The following SHROOM3 variants were observed in gnomAD, a reference collection of about 807,000 sequenced individuals.
SHROOM3 encodes the protein shroom family member 3, also known as protein Shroom3.
Under a neutral mutation model 138.6 loss-of-function variants are expected in SHROOM3, and 47 were observed. The ratio of observed to expected loss-of-function variants is 0.34; its 90% confidence interval spans 0.27 to 0.43. The LOEUF is 0.43. SHROOM3 is among the 20% of genes least tolerant of loss of function. The pLI, the probability that SHROOM3 is intolerant of heterozygous loss-of-function variation, is 1.00. For missense variants in SHROOM3, 2,491 were observed against 2,596.5 expected (o/e 0.96, Z 0.88); for synonymous variants, 1,062 against 1,063.3 (o/e 1.00, Z 0.02).
intron 1 of SHROOM3, among the ~76,000 whole-genome samples, chr4:76,504,694 A>G (rs1732173599): frequency 6.6e-6 from 1 of 152,212 alleles, no homozygotes; most frequent in South Asian, 2.1e-4. Context: ...AGTCCGATAC[A>G]TCCTCCCTGA....
chr4:76,613,330 A>T (rs1224718033), intron 2 of SHROOM3, among the ~76,000 whole-genome samples: 1 of 152,168 alleles, frequency 6.6e-6, no homozygotes, highest in Non-Finnish European at 1.5e-5. Context: ...GTGAGTCCTC[A>T]ACACTCCACC....
intron 2 of SHROOM3, among the ~76,000 whole-genome samples, chr4:76,589,143 C>A (rs1292054835): frequency 6.6e-6 from 1 of 152,216 alleles, no homozygotes; most frequent in Non-Finnish European, 1.5e-5. Context: ...TGAACCAAAA[C>A]TGATAGAATG....
intron 2 of SHROOM3, among the ~76,000 whole-genome samples, chr4:76,650,810 T>C (rs1483471302): frequency 1.3e-5 from 2 of 152,126 alleles, no homozygotes; most frequent in African/African-American, 4.8e-5. Context: ...CCCAAAGTGC[T>C]GGGATTATAG....
chr4:76,685,848 T>C (rs1239084252), intron 2 of SHROOM3, among the ~76,000 whole-genome samples: 1 of 152,108 alleles, frequency 6.6e-6, no homozygotes, highest in East Asian at 1.9e-4. Context: ...CATTGTGGTA[T>C]GCACCTGTAA....
At position 76,447,576 on chromosome 4, in the gene SHROOM3, T is replaced by G. The variant is rs187938293; in HGVS notation, c.168+11356T>G. The stretch of plus-strand genomic sequence containing the variant: ...TAAAAGAATAGGAGAGTGTGCAAAC[T>G]TTTGAGAATGAGAAGGCAGAAAATA... On this transcript the variant is annotated intron_variant, in intron 1 of 10. Transcript: ENST00000296043. Among the ~76,000 whole-genome samples the G allele has an allele frequency of 2.0e-3, 298 of 152,308 alleles. 10 individuals are homozygous for G. The highest frequency in any genetic ancestry group is 0.019 in the Admixed American group (287 of 15,292).
chr4:76,603,015 G>A (rs980757236), intron 2 of SHROOM3, among the ~76,000 whole-genome samples: 1 of 152,040 alleles, frequency 6.6e-6, no homozygotes, highest in African/African-American at 2.4e-5. Flanking sequence ...TTCTGTATTT[G>A]TACTAAAGAT....
At chr4:76,571,983 A>C (rs1040586451) in intron 2 of SHROOM3, among the ~76,000 whole-genome samples, 1 of 152,130 alleles carries the variant, frequency 6.6e-6, no homozygotes, top group Non-Finnish European at 1.5e-5. Context: ...GAAGCACTCA[A>C]GCTACTCCCA....
chr4:76,721,128 G>A (rs1232695481), intron 3 of SHROOM3, among the ~76,000 whole-genome samples: 2 of 151,518 alleles, frequency 1.3e-5, no homozygotes, highest in African/African-American at 2.4e-5. Context: ...CGGCTAAAAC[G>A]GTGAAACCCC....
chr4:76,698,905 T>C (rs948995122), intron 2 of SHROOM3, among the ~76,000 whole-genome samples: 1 of 152,174 alleles, frequency 6.6e-6, no homozygotes, highest in Non-Finnish European at 1.5e-5. Flanking sequence ...ACCCCTCCAC[T>C]TTGGATTTAA....
At chr4:76,562,567 G>C (rs57302875) in intron 2 of SHROOM3, among the ~76,000 whole-genome samples, 1,567 of 152,158 alleles carry the variant, frequency 0.01, 25 homozygotes, top group African/African-American at 0.035. Context: ...TAATAAAAAG[G>C]GTTGTGCAAA....
chr4:76,462,681 T>C (rs1731164896), intron 1 of SHROOM3, among the ~76,000 whole-genome samples: 1 of 151,002 alleles, frequency 6.6e-6, no homozygotes, highest in Non-Finnish European at 1.5e-5. Flanking sequence ...TCTCTCCCTC[T>C]CCCTCTCCCT....
At chr4:76,757,627 A>C (rs1460053831) in intron 8 of SHROOM3, among the ~76,000 whole-genome samples, 1 of 152,148 alleles carries the variant, frequency 6.6e-6, no homozygotes, top group Non-Finnish European at 1.5e-5. Context: ...GTTGGCGCAA[A>C]TCCTGAAAAT....
intron 1 of SHROOM3, among the ~76,000 whole-genome samples, chr4:76,535,275 C>T (rs1732927513): frequency 6.6e-6 from 1 of 152,112 alleles, no homozygotes; most frequent in South Asian, 2.1e-4. Context: ...AGAAAAGTAC[C>T]ATTCCCACTG....
At chr4:76,540,013 A>T (rs1033680653) in intron 1 of SHROOM3, among the ~76,000 whole-genome samples, 13 of 152,140 alleles carry the variant, frequency 8.5e-5, no homozygotes, top group African/African-American at 3.1e-4. Flanking sequence ...ATGCCCGGCT[A>T]ATTTTCGTAT....
intron 1 of SHROOM3, among the ~76,000 whole-genome samples, chr4:76,522,405 A>C (rs1732585737): frequency 6.6e-6 from 1 of 152,000 alleles, no homozygotes; most frequent in African/African-American, 2.4e-5. Flanking sequence ...GTAAAATGTC[A>C]TGCCTAAAGC....
chr4:76,442,114 G>A (rs1730704293), intron 1 of SHROOM3, among the ~76,000 whole-genome samples: 1 of 152,232 alleles, frequency 6.6e-6, no homozygotes, highest in South Asian at 2.1e-4. Context: ...ACTCGTTAAG[G>A]CCAGATGGGT....
intron 2 of SHROOM3, among the ~76,000 whole-genome samples, chr4:76,668,169 A>G (rs996144824): frequency 1.3e-5 from 2 of 151,974 alleles, no homozygotes; most frequent in Non-Finnish European, 2.9e-5. Context: ...GGCGCTCCCC[A>G]TGGCCGGCGA....
At chr4:76,676,303 T>G (rs1450203161) in intron 2 of SHROOM3, among the ~76,000 whole-genome samples, 2 of 152,186 alleles carry the variant, frequency 1.3e-5, no homozygotes, top group African/African-American at 4.8e-5. Flanking sequence ...GGCATGTGTC[T>G]AGTGTTTTAG....
intron 2 of SHROOM3, among the ~76,000 whole-genome samples, chr4:76,675,056 A>G (rs1255051251): frequency 6.6e-6 from 1 of 152,196 alleles, no homozygotes; most frequent in African/African-American, 2.4e-5. Flanking sequence ...ATGGGCTTAG[A>G]CAGTTTCCTC....
Sources: gnomAD v4.1 joint callset for allele counts (sites outside exome capture counted in the v4.1 genomes callset) on GRCh38, gnomAD v4.1.1 for gene constraint, MANE v1.5 for transcripts, NCBI Gene and HGNC (gene_info 2026-07-23, HGNC 2026-07-21) for gene names.